Variants in SFMBT2 observed in about 807,000 individuals in gnomAD.
SFMBT2 encodes scm-like with four MBT domains protein 2.
A neutral mutation model predicts 110.1 loss-of-function variants in SFMBT2; 38 were observed. That is an observed-to-expected ratio of 0.35 (90% CI 0.27 to 0.45). The LOEUF (loss-of-function observed/expected upper bound fraction) is 0.45. SFMBT2 is among the 20% of genes least tolerant of loss of function. SFMBT2 has a pLI of 1.00. For synonymous variants in SFMBT2, 425 were observed against 425.4 expected (o/e 1.00, Z 0.01); for missense variants, 1,011 against 1,094.9 (o/e 0.92, Z 1.08).
At chr10:7,244,676 T>C (rs1285063031) in intron 8 of SFMBT2, among the ~76,000 whole-genome samples, 2 of 152,222 alleles carry the variant, frequency 1.3e-5, no homozygotes, top group Non-Finnish European at 2.9e-5. Context: ...AAAAGATCCC[T>C]TTCCCAATTC....
chr10:7,318,054 T>C (rs1478183991), intron 4 of SFMBT2, among the ~76,000 whole-genome samples: 4 of 152,198 alleles, frequency 2.6e-5, no homozygotes, highest in African/African-American at 7.2e-5. Context: ...CTAAGGAATA[T>C]TGAATGGAGA....
chr10:7,224,937 A>C (rs998428717), intron 10 of SFMBT2, among the ~76,000 whole-genome samples: 3 of 152,214 alleles, frequency 2.0e-5, no homozygotes, highest in African/African-American at 7.2e-5. Context: ...GAAAAATATA[A>C]CTATATCTTT....
chr10:7,295,652 A>G (rs997474916), intron 4 of SFMBT2, among the ~76,000 whole-genome samples: 2 of 152,206 alleles, frequency 1.3e-5, no homozygotes, highest in African/African-American at 2.4e-5. Context: ...TTGTATTTGC[A>G]TAGTTTGTAA....
intron 1 of SFMBT2, among the ~76,000 whole-genome samples, chr10:7,387,809 A>G (rs997587086): frequency 7.9e-5 from 12 of 151,096 alleles, no homozygotes; most frequent in Non-Finnish European, 1.6e-4. Flanking sequence ...TTAGCTGGGT[A>G]TGGTCGTGTG....
At chr10:7,321,938 G>GT (rs964734314) in intron 4 of SFMBT2, among the ~76,000 whole-genome samples, 3 of 152,136 alleles carry the variant, frequency 2.0e-5, no homozygotes, top group Non-Finnish European at 4.4e-5. Context: ...TCCATTGGAG[G>GT]TTTTTTTAGG....
At chr10:7,368,037 T>C (rs1844958784) in intron 3 of SFMBT2, 148 bp from the exon 4 acceptor site, 5 of 1,209,130 alleles carry the variant, frequency 4.1e-6, no homozygotes, top group East Asian at 2.6e-5. Context: ...TAATACACTA[T>C]GGAAGCCACA....
intron 4 of SFMBT2, among the ~76,000 whole-genome samples, chr10:7,310,729 A>C (rs1842827730): frequency 6.6e-6 from 1 of 152,188 alleles, no homozygotes; most frequent in Admixed American, 6.5e-5. Context: ...GGCAGGTTTG[A>C]AAAAAAGGCT....
At chr10:7,221,682 C>T (rs192401814) in intron 10 of SFMBT2, among the ~76,000 whole-genome samples, 27 of 150,816 alleles carry the variant, frequency 1.8e-4, no homozygotes, top group Middle Eastern at 3.4e-3. Context: ...TTGTTTATTG[C>T]TATTATTTTC....
chr10:7,398,333 AAAC>A (rs1845982552), intron 1 of SFMBT2, among the ~76,000 whole-genome samples: 1 of 152,238 alleles, frequency 6.6e-6, no homozygotes, highest in Non-Finnish European at 1.5e-5. Context: ...AAAATGAGAA[AAAC>A]AAGAGGCTTC....
At chr10:7,365,824 G>A (rs1485899134) in intron 4 of SFMBT2, among the ~76,000 whole-genome samples, 2 of 152,164 alleles carry the variant, frequency 1.3e-5, no homozygotes, top group Admixed American at 6.5e-5. Context: ...AGGGTTTTCC[G>A]GGGAGGGGGA....
intron 4 of SFMBT2, among the ~76,000 whole-genome samples, chr10:7,365,328 C>T (rs1220811235): frequency 6.6e-6 from 1 of 152,194 alleles, no homozygotes; most frequent in African/African-American, 2.4e-5. Flanking sequence ...GCACGTGCTT[C>T]CTCCTTTCGT....
chr10:7,196,979 C>A (rs1838791333), intron 15 of SFMBT2, among the ~76,000 whole-genome samples: 1 of 152,170 alleles, frequency 6.6e-6, no homozygotes, highest in African/African-American at 2.4e-5. Context: ...CCACAGCCTC[C>A]AAGTGATGGG....
At chr10:7,243,536 C>A in intron 9 of SFMBT2, 22 bp downstream of exon 9, 1 of 871,802 alleles carries the variant, frequency 1.1e-6, no homozygotes, top group Middle Eastern at 2.2e-4. Context: ...CCAGACCCTG[C>A]ATACCTTCAC....
chr10:7,296,810 G>A (rs913300460), intron 4 of SFMBT2, among the ~76,000 whole-genome samples: 3 of 152,212 alleles, frequency 2.0e-5, no homozygotes, highest in African/African-American at 4.8e-5. Context: ...CCTCCCTGAC[G>A]TGGGTGGGCC....
chr10:7,388,326 GGATGATGATGATGAT>G (rs113666945), intron 1 of SFMBT2, among the ~76,000 whole-genome samples: 22 of 146,172 alleles, frequency 1.5e-4, no homozygotes, highest in East Asian at 6.0e-4. Flanking sequence ...AAACAAAGAA[GGATGATGATGATGAT>G]GATGATGATG....
At chr10:7,407,659 TG>T (rs1846256410) in intron 1 of SFMBT2, among the ~76,000 whole-genome samples, 1 of 152,310 alleles carries the variant, frequency 6.6e-6, no homozygotes, top group African/African-American at 2.4e-5. Flanking sequence ...CTTGCCTTCT[TG>T]GAATCCCACC....
At chr10:7,206,559 G>A in intron 11 of SFMBT2, 1 of 985,388 alleles carries the variant, frequency 1.0e-6, no homozygotes, top group Non-Finnish European at 1.2e-6. Flanking sequence ...GTAGACTTTG[G>A]CTATGTCATA....
chr10:7,265,819 G>A (rs1841369139), intron 7 of SFMBT2, among the ~76,000 whole-genome samples: 1 of 152,174 alleles, frequency 6.6e-6, no homozygotes, highest in South Asian at 2.1e-4. Flanking sequence ...CCCCATTCAA[G>A]AACATTTACT....
At chr10:7,352,966 T>C (rs1190254849) in intron 4 of SFMBT2, among the ~76,000 whole-genome samples, 6 of 151,946 alleles carry the variant, frequency 3.9e-5, no homozygotes, top group Non-Finnish European at 7.4e-5. Context: ...GCCGAGATCG[T>C]GCCACTACAC....
Sources: allele counts gnomAD v4.1 joint callset (sites outside exome capture counted in the v4.1 genomes callset), GRCh38; gene constraint gnomAD v4.1.1; transcripts MANE v1.5; gene names NCBI Gene and HGNC (gene_info 2026-07-23, HGNC 2026-07-21).